The following CYP24A1 variants were observed in gnomAD, a reference collection of about 807,000 sequenced individuals.
CYP24A1 encodes cytochrome P450 family 24 subfamily A member 1.
CYP24A1 carries 68 observed loss-of-function variants against 62.4 expected under a neutral mutation model. The observed-to-expected ratio is 1.09, with a 90% confidence interval of 0.90 to 1.33. CYP24A1 has a LOEUF of 1.33. Among genes scored for constraint, CYP24A1 ranks in the 40% most tolerant of loss-of-function variants. CYP24A1 has a pLI of 0.00. For synonymous variants in CYP24A1, 267 were observed against 253.0 expected, an observed-to-expected ratio of 1.06 and a Z score of -0.52; for missense variants, 787 against 653.0, an observed-to-expected ratio of 1.21 and a Z score of -2.24.
chr20:54,164,495 G>C lies in CYP24A1; in HGVS notation c.801C>G (p.Val267=). ...VELHKSLNTK[V]WQDHTLAWDT... ...CCCAGGCCAGAGTGTGGTCCTGCCA[G>C]ACCTTGGTGTTGAGGCTCTTGTGCA... The change falls in exon 6 of 12, where the codon GTC becomes GTG. Residue 267 remains valine, a synonymous_variant. Transcript: ENST00000216862. The C allele has an allele frequency of 6.2e-7, 1 of 1,614,188 alleles. No homozygotes were observed. The highest frequency in any genetic ancestry group is 2.2e-5 in the East Asian group (1 of 44,886).
chr20:54,173,775 C>T lies in CYP24A1; in HGVS notation c.-196G>A, dbSNP rs1303620695. ...CGAGGATGCTCGACGCTGCACCACG[C>T]GACAGCCTCAGAGCATTGGTGCCTC... On this transcript the variant is annotated 5_prime_UTR_variant, in exon 1 of 12. Coordinates refer to ENST00000216862, the MANE Select transcript of CYP24A1 (RefSeq NM_000782.5). This position sits in a 1 kb window ranked among gnomAD's most constrained non-coding sequence, Gnocchi z 7.2. 12 of 600,938 alleles carry T rather than the reference C, an allele frequency of 2.0e-5. 1 individual carries two copies. The highest frequency in any genetic ancestry group is 4.4e-4 in the Middle Eastern group (1 of 2,268). 37.2% of individuals were successfully genotyped at this position (600,938 alleles called of 1,614,324 possible). A position where few individuals can be genotyped will look rare whatever the true frequency, so the allele number is the denominator to read the frequency against.
rs2092619751 is a variant in CYP24A1 at position 54,154,456 on chromosome 20, A to G, written c.*316T>C. 1 of 152,224 alleles carries G rather than the reference A, an allele frequency of 6.6e-6. No homozygotes were observed. The allele number at this position is 152,224 out of a possible 1,614,324, so 9.4% of individuals were successfully genotyped here. ...TCAGTATTACTCCCAGCCCCAGAAA[A>G]TTTAGCTGTTGTAGGTCATTCATTG... is the stretch of plus-strand genomic sequence containing the variant. On this transcript the variant is annotated 3_prime_UTR_variant, in exon 12 of 12. Coordinates refer to ENST00000216862, the MANE Select transcript of CYP24A1 (RefSeq NM_000782.5).
chr20:54,173,976 T>G lies in CYP24A1; in HGVS notation c.-397A>C. On this transcript the variant is annotated 5_prime_UTR_variant, in exon 1 of 12. Coordinates refer to ENST00000216862, the MANE Select transcript of CYP24A1 (RefSeq NM_000782.5). This position sits in a 1 kb window ranked among gnomAD's most constrained non-coding sequence, Gnocchi z 7.2. Reference sequence around the variant, plus strand: ...GCTGCTGGCGCTGCGTTTCCTCCTGTCCCTCTCCATGTTCCTATGCCCAGG... The same window carrying G: ...GCTGCTGGCGCTGCGTTTCCTCCTGGCCCTCTCCATGTTCCTATGCCCAGG... 7.8e-6 allele frequency: 2 copies of G among 256,076 alleles called. No homozygotes were observed. Among genetic ancestry groups the G allele is most frequent in the South Asian group, 6.3e-5 (1 of 15,912 alleles). 15.9% of individuals were successfully genotyped at this position (256,076 alleles called of 1,614,324 possible). A position where few individuals can be genotyped will look rare whatever the true frequency, so the allele number is the denominator to read the frequency against.
At chr20:54,155,292 T>C (rs1258932118) in intron 11 of CYP24A1, among the ~76,000 whole-genome samples, 1 of 152,194 alleles carries the variant, frequency 6.6e-6, no homozygotes, top group African/African-American at 2.4e-5. Flanking sequence ...CTAAATAATC[T>C]ACCAATAAGC....
In CYP24A1 at chr20:54,173,303, G is replaced by C. The variant is rs576029267; in HGVS notation, c.258+19C>G. On this transcript the variant is annotated intron_variant, in intron 1 of 11. Coordinates refer to ENST00000216862, the MANE Select transcript of CYP24A1 (RefSeq NM_000782.5). This position sits in a 1 kb window ranked among gnomAD's most constrained non-coding sequence, Gnocchi z 7.2. Reference sequence around the variant, plus strand: ...GCGGAAGAGGGAGGAGAGAGTCAGGGGCGCGAAAAGGGGTTTACCAGGGTG... The same window carrying C: ...GCGGAAGAGGGAGGAGAGAGTCAGGCGCGCGAAAAGGGGTTTACCAGGGTG... 7 of 1,602,160 alleles carry C rather than the reference G, an allele frequency of 4.4e-6. No individual in the cohort carries two copies. The highest frequency in any genetic ancestry group is 1.7e-4 in the Middle Eastern group (1 of 6,050).
chr20:54,151,708 G>A (rs1015574997), downstream of CYP24A1, among the ~76,000 whole-genome samples: 14 of 151,880 alleles, frequency 9.2e-5, no homozygotes, highest in East Asian at 3.9e-4. Flanking sequence ...GACTACAGGC[G>A]CGTGCCACCA....
chr20:54,165,093 G>A (rs866145468), intron 5 of CYP24A1, among the ~76,000 whole-genome samples: 5 of 152,108 alleles, frequency 3.3e-5, no homozygotes, highest in Admixed American at 6.5e-5. Context: ...TTTATGTTAC[G>A]TGCATATATC....
intron 5 of CYP24A1, 145 bp downstream of exon 5, chr20:54,165,597 T>C: frequency 1.4e-6 from 1 of 699,000 alleles, no homozygotes; most frequent in Non-Finnish European, 2.5e-6. Context: ...TATACTAAAA[T>C]ATATAATGCA....
chr20:54,157,101 C>T, intron 11 of CYP24A1, 68 bp downstream of exon 11: 1 of 821,898 alleles, frequency 1.2e-6, no homozygotes, highest in East Asian at 2.6e-5. Context: ...TGGCTGACTT[C>T]CCAGCATAGC....
At chr20:54,145,392 C>T in the CYP24A1 span, among the ~76,000 whole-genome samples, 5 of 151,996 alleles carry the variant, frequency 3.3e-5, no homozygotes, top group East Asian at 3.9e-4. Flanking sequence ...GATCCAGCTA[C>T]GTTGTTTCTC....
intron 11 of CYP24A1, among the ~76,000 whole-genome samples, chr20:54,156,270 T>C (rs1473639564): frequency 6.6e-6 from 1 of 152,158 alleles, no homozygotes; most frequent in Non-Finnish European, 1.5e-5. Context: ...AAAAAAGGGC[T>C]TTCCAGATGA....
At chr20:54,160,599 A>G (rs1038813817) in intron 7 of CYP24A1, among the ~76,000 whole-genome samples, 1 of 152,250 alleles carries the variant, frequency 6.6e-6, no homozygotes, top group Non-Finnish European at 1.5e-5. Context: ...TAAACTGTAG[A>G]TGCCATTATT....
In CYP24A1 at chr20:54,173,586, G is replaced by T; in HGVS notation, c.-7C>A. On this transcript the variant is annotated 5_prime_UTR_variant, in exon 1 of 12. Transcript: ENST00000216862. This position sits in a 1 kb window ranked among gnomAD's most constrained non-coding sequence, Gnocchi z 7.2. The stretch of plus-strand genomic sequence containing the variant: ...TGCTGATGGGGGAGCTCATGGCAGC[G>T]GGGGACACCGGAGCGCGGGAAGGCA... 6.4e-7 allele frequency: 1 copy of T among 1,568,160 alleles called. No homozygotes were observed.
rs780928442 is a variant in CYP24A1 at position 54,165,798 on chromosome 20, G to T, written c.676C>A (p.Leu226Ile). 1 of 1,527,818 alleles carries T rather than the reference G, an allele frequency of 6.5e-7. No individual in the cohort carries two copies. The highest frequency in any genetic ancestry group is 9.1e-7 in the Non-Finnish European group (1 of 1,101,136). 94.6% of individuals were successfully genotyped at this position (1,527,818 alleles called of 1,614,324 possible). ...CLVLYEKRFGLLQKNAGDEAV... is the reference protein window; with the variant it reads ...CLVLYEKRFGILQKNAGDEAV... The stretch of plus-strand genomic sequence containing the variant: ...TCATCCCCTGCATTCTTCTGGAGAA[G>T]CCCAAATCTCTTCTCATACAACACG... Residue 226 changes from leucine to isoleucine, a missense_variant, in exon 5 of 12, where the codon CTT (leucine) becomes ATT (isoleucine). Transcript: ENST00000216862.
chr20:54,150,217 A>G (rs975809946), downstream of CYP24A1, among the ~76,000 whole-genome samples: 2 of 152,212 alleles, frequency 1.3e-5, no homozygotes, highest in Non-Finnish European at 2.9e-5. Flanking sequence ...TAACTCTAAG[A>G]AATTTTTACT....
chr20:54,157,081 A>G, intron 11 of CYP24A1, 88 bp downstream of exon 11: 1 of 731,980 alleles, frequency 1.4e-6, no homozygotes, highest in South Asian at 1.5e-5. Flanking sequence ...CTGGGATTCA[A>G]ACCCCAGTCT....
intron 4 of CYP24A1, among the ~76,000 whole-genome samples, chr20:54,168,119 C>T (rs2092678951): frequency 6.6e-6 from 1 of 152,114 alleles, no homozygotes; most frequent in African/African-American, 2.4e-5. Context: ...ACCATCAGGA[C>T]TTAGCTGAGG....
Position 54,158,147 on chromosome 20 carries a change from G to A in CYP24A1, c.1175C>T (p.Pro392Leu). 6.2e-7 allele frequency: 1 copy of A among 1,613,960 alleles called. No homozygotes were observed. ...KESMRLTPSV[P>L]FTTRTLDKAT... ...CTTGTCAAGAGTCCGAGTTGTAAAT[G>A]GTACACTCGGCGTAAGCCTGAAAAG... The change falls in exon 9 of 12, where the codon CCA (proline) becomes CTA (leucine). Residue 392 changes from proline to leucine, a missense_variant. Coordinates refer to ENST00000216862, the MANE Select transcript of CYP24A1 (RefSeq NM_000782.5).
chr20:54,143,850 A>C, the CYP24A1 span, among the ~76,000 whole-genome samples: 4 of 152,220 alleles, frequency 2.6e-5, no homozygotes, highest in African/African-American at 9.6e-5. Context: ...AATCCTAAGA[A>C]TAAAGCAAAA....
Sources: gnomAD v4.1 joint callset for allele counts (sites outside exome capture counted in the v4.1 genomes callset) on GRCh38, gnomAD v4.1.1 for gene constraint, Gnocchi (gnomAD v3.1) non-coding constraint, MANE v1.5 for transcripts, NCBI Gene and HGNC (gene_info 2026-07-23, HGNC 2026-07-21) for gene names.